The following AMT variants were observed in gnomAD, a reference collection of about 807,000 sequenced individuals.
AMT encodes aminomethyltransferase.
In AMT, 24 loss-of-function variants were observed where a neutral mutation model predicts 39.5. The ratio of observed to expected loss-of-function variants is 0.61; its 90% CI spans 0.44 to 0.86. AMT has a LOEUF of 0.86. Among genes scored for constraint, AMT ranks in the 40% least tolerant of loss-of-function variants. The pLI is 0.00. For synonymous variants in AMT, 210 were observed against 212.1 expected, an observed-to-expected ratio of 0.99 and a Z score of 0.09; for missense variants, 501 against 537.0, an observed-to-expected ratio of 0.93 and a Z score of 0.66.
chr3:49,418,996 C>T lies in AMT; in HGVS notation c.852G>A (p.Val284=), dbSNP rs749481166. ...CCAGTGTCCAACTGAGGCTGCCCTC[C>T]ACAGGTGTAGTGTGTTCATCAATGT... is the stretch of plus-strand genomic sequence containing the variant. The part of the protein sequence containing the change: ...GNDIDEHTTP[V]EGSLSWTLGK... Residue 284 remains valine (V), a synonymous_variant, in exon 7 of 9, where the codon GTG becomes GTA. Transcript: ENST00000273588. 1.9e-6 allele frequency: 3 copies of T among 1,613,896 alleles called. No individual in the cohort carries two copies. The African/African-American group carries it at 4.0e-5, about 22-fold the overall frequency.
Position 49,419,123 on chromosome 3 carries a change from T to A in AMT, c.725A>T (p.His242Leu). The A allele has an allele frequency of 1.2e-6, 2 of 1,613,884 alleles. No homozygotes were observed. Among genetic ancestry groups the A allele is most frequent in the Non-Finnish European group, 1.7e-6 (2 of 1,179,966 alleles). The change falls in exon 7 of 9, where the codon CAC becomes CTC. Residue 242 changes from histidine (H) to leucine (L), a missense_variant. Physicochemically the swap from His to Leu is moderately conservative, Grantham distance 99 (BLOSUM62 -3). Coordinates refer to ENST00000273588, the MANE Select transcript of AMT (RefSeq NM_000481.4). ...GTTTTTCAGAATAGCTGTTGCCAGG[T>A]GAACTGCCCCCGCTACCGGCACCGA... ...EISVPVAGAVHLATAILKNPE... is the reference protein window; with the variant it reads ...EISVPVAGAVLLATAILKNPE...
chr3:49,422,290 A>C lies in AMT; in HGVS notation c.91-19T>G. On this transcript the variant is annotated intron_variant, in intron 1 of 8. Transcript: ENST00000273588. ...GCACCTCCTGTGGGCGGCTGGGCTT[A>C]GTGCCACCAGGGCCCTAGCCCCCAG... The C allele has an allele frequency of 6.2e-7, 1 of 1,613,766 alleles. No homozygotes were observed. The highest frequency in any genetic ancestry group is 1.1e-5 in the South Asian group (1 of 91,080).
Position 49,417,974 on chromosome 3 carries a change from C to T in AMT, c.878-1G>A, listed in dbSNP as rs181134220. ...TCCATAGCAGCTCGGCGGCGCTTCC[C>T]TGGAGAATGACACATGAGACATAAG... On this transcript the variant is annotated splice_acceptor_variant, in intron 7 of 8. Transcript: ENST00000273588. LOFTEE classifies it high-confidence loss of function. 14 of 1,607,240 alleles carry T rather than the reference C, an allele frequency of 8.7e-6. No homozygotes were observed. The highest frequency in any genetic ancestry group is 1.7e-4 in the Middle Eastern group (1 of 5,778).
chr3:49,418,176 G>T, intron 7 of AMT: 1 of 617,250 alleles, frequency 1.6e-6, no homozygotes, highest in Non-Finnish European at 2.8e-6. Flanking sequence ...CCTGCCGAGC[G>T]TCTTCAGTTT....
chr3:49,419,231 T>A (rs754332895), intron 6 of AMT, 29 bp downstream of exon 6: 1 of 1,613,852 alleles, frequency 6.2e-7, no homozygotes, highest in Non-Finnish European at 8.5e-7. Context: ...CTGTGCCCTG[T>A]ACTGCCCCCA....
chr3:49,419,870 G>C (rs1300489173), intron 4 of AMT, 82 bp from the exon 5 acceptor site: 1 of 1,319,714 alleles, frequency 7.6e-7, no homozygotes, highest in African/African-American at 1.4e-5. Flanking sequence ...CTGGACAGTA[G>C]TAGGACAGTG....
chr3:49,418,919 A>G (rs768830457), intron 7 of AMT, 52 bp downstream of exon 7: 1 of 1,594,178 alleles, frequency 6.3e-7, no homozygotes, highest in Admixed American at 1.7e-5. Context: ...TAGTCTTATC[A>G]AGGGTCACCC....
Position 49,417,027 on chromosome 3 carries a change from G to T in AMT, c.*513C>A. 1 of 551,494 alleles carries T rather than the reference G, an allele frequency of 1.8e-6. No homozygotes were observed. Among genetic ancestry groups the T allele is most frequent in the Non-Finnish European group, 3.4e-6 (1 of 290,528 alleles). The allele number at this position is 551,494 out of a possible 1,614,324, so 34.2% of individuals were successfully genotyped here. A position where few individuals can be genotyped will look rare whatever the true frequency, so the allele number is the denominator to read the frequency against. On this transcript the variant is annotated 3_prime_UTR_variant, in exon 9 of 9. Coordinates refer to ENST00000273588, the MANE Select transcript of AMT (RefSeq NM_000481.4). ...CAGCCATCCCCAAGTTTACACACAG[G>T]CATAGCAGCCCTACTGTGAGTCAGC...
At position 49,422,156 on chromosome 3, in the gene AMT, T is replaced by A. The variant is rs893348866; in HGVS notation, c.206A>T (p.His69Leu). 7.4e-6 allele frequency: 12 copies of A among 1,613,684 alleles called. No homozygotes were observed. The highest frequency in any genetic ancestry group is 9.3e-6 in the Non-Finnish European group (11 of 1,180,044). The change falls in exon 2 of 9, where the codon CAC becomes CTC. Residue 69 changes from histidine to leucine, a missense_variant. Coordinates refer to ENST00000273588, the MANE Select transcript of AMT (RefSeq NM_000481.4). ...CGAGCAGTGCTGGCGTGTGTGCAGG[T>A]GCGAGTCAGTGTGACTGTCCCGGTA... ...VQYRDSHTDSHLHTRQHCSLF... is the reference protein window; with the variant it reads ...VQYRDSHTDSLLHTRQHCSLF...
At position 49,419,301 on chromosome 3, in the gene AMT, G is replaced by A. The variant is rs150079386; in HGVS notation, c.655C>T (p.Arg219Cys). 4.2e-5 allele frequency: 67 copies of A among 1,614,008 alleles called. No homozygotes were observed. Among genetic ancestry groups the A allele is most frequent in the African/African-American group, 6.7e-5 (5 of 74,906 alleles). The change falls in exon 6 of 9, where the codon CGC becomes TGC. Residue 219 changes from arginine (R) to cysteine (C), a missense_variant. By Grantham distance (180) the Arg-to-Cys change is radical. Coordinates refer to ENST00000273588, the MANE Select transcript of AMT (RefSeq NM_000481.4). Reference protein sequence around the residue: ...VMEVFGVSGCRVTRCGYTGED... With the variant: ...VMEVFGVSGCCVTRCGYTGED... ...CCTGTGTAGCCACAGCGGGTCACGCGGCAGCCAGACACGCCAAACACCTCC... is the reference window on the plus strand; with the variant it reads ...CCTGTGTAGCCACAGCGGGTCACGCAGCAGCCAGACACGCCAAACACCTCC...
chr3:49,422,454 C>T lies in AMT; in HGVS notation c.-4G>A, dbSNP rs1559530945. The stretch of plus-strand genomic sequence containing the variant: ...CCACACTTACAGCCCTCTGCATCGT[C>T]GCCTGCAACGAGTGCAGACGGCGCA... On this transcript the variant is annotated 5_prime_UTR_variant, in exon 1 of 9. Transcript: ENST00000273588. 1.9e-6 allele frequency: 3 copies of T among 1,612,652 alleles called. No individual in the cohort carries two copies. The highest frequency in any genetic ancestry group is 4.5e-5 in the East Asian group (2 of 44,880).
At chr3:49,421,836 C>G in intron 2 of AMT, 1 of 685,958 alleles carries the variant, frequency 1.5e-6, no homozygotes. Flanking sequence ...ACATCCAGCC[C>G]AATACATGAG....
rs759349289 is a variant in AMT at position 49,417,967 on chromosome 3, C to A, written c.884G>T (p.Arg295Leu). The change falls in exon 8 of 9, where the codon CGC becomes CTC. Residue 295 changes from arginine (R) to leucine (L), a missense_variant. Coordinates refer to ENST00000273588, the MANE Select transcript of AMT (RefSeq NM_000481.4). The stretch of plus-strand genomic sequence containing the variant: ...AGGGAAGTCCATAGCAGCTCGGCGG[C>A]GCTTCCCTGGAGAATGACACATGAG... Reference protein sequence around the residue: ...EGSLSWTLGKRRRAAMDFPGA... With the variant: ...EGSLSWTLGKLRRAAMDFPGA... 1.2e-6 allele frequency: 2 copies of A among 1,610,004 alleles called. No individual in the cohort carries two copies. Among genetic ancestry groups the A allele is most frequent in the Non-Finnish European group, 1.7e-6 (2 of 1,178,486 alleles).
Position 49,417,929 on chromosome 3 carries a change from T to C in AMT, c.922A>G (p.Ile308Val). Residue 308 changes from isoleucine (I) to valine (V), a missense_variant, in exon 8 of 9, where the codon ATT becomes GTT. By Grantham distance (29) the Ile-to-Val change is conservative. Transcript: ENST00000273588. Reference sequence around the variant, plus strand: ...ACCCTGCCCTTCAGCTGGGGAACAATGACCTTGGCTCCAGGGAAGTCCATA... The same window carrying C: ...ACCCTGCCCTTCAGCTGGGGAACAACGACCTTGGCTCCAGGGAAGTCCATA... ...AAMDFPGAKV[I>V]VPQLKGRVQR... The C allele has an allele frequency of 6.2e-7, 1 of 1,613,902 alleles. No homozygotes were observed. The highest frequency in any genetic ancestry group is 8.5e-7 in the Non-Finnish European group (1 of 1,179,968).
intron 3 of AMT, 111 bp from the exon 4 acceptor site, chr3:49,420,453 G>T: frequency 6.6e-7 from 1 of 1,513,346 alleles, no homozygotes; most frequent in Non-Finnish European, 9.1e-7. Flanking sequence ...GAACCCTAAT[G>T]TGAAGGACTC....
At chr3:49,421,968 G>A (rs1467652209) in intron 2 of AMT, 136 bp downstream of exon 2, 2 of 1,261,266 alleles carry the variant, frequency 1.6e-6, no homozygotes, top group East Asian at 4.7e-5. Flanking sequence ...ACCTATCCAT[G>A]ACACCCCCAT....
At position 49,419,056 on chromosome 3, in the gene AMT, C is replaced by T. The variant is rs897004298; in HGVS notation, c.792G>A (p.Leu264=). The T allele has an allele frequency of 6.2e-7, 1 of 1,614,098 alleles. No homozygotes were observed. The highest frequency in any genetic ancestry group is 8.5e-7 in the Non-Finnish European group (1 of 1,180,020). ...KLAGLAARDS[L]RLEAGLCLYG... is the part of the protein sequence containing the mutation. ...ACAGGCAGAGGCCTGCCTCCAGGCG[C>T]AGGCTGTCCCTGGCTGCCAGCCCTG... The change falls in exon 7 of 9, where the codon CTG becomes CTA. Residue 264 remains leucine, a synonymous_variant. Coordinates refer to ENST00000273588, the MANE Select transcript of AMT (RefSeq NM_000481.4).
At chr3:49,418,056 C>T (rs1284907228) in intron 7 of AMT, 83 bp from the exon 8 acceptor site, 4 of 1,496,856 alleles carry the variant, frequency 2.7e-6, no homozygotes, top group Non-Finnish European at 3.6e-6. Context: ...TCAAGTAACA[C>T]ACTATCTAGC....
rs770743082 is a variant in AMT at position 49,417,337 on chromosome 3, C to T, written c.*203G>A. 2 of 1,594,872 alleles carry T rather than the reference C, an allele frequency of 1.3e-6. No homozygotes were observed. Among genetic ancestry groups the T allele is most frequent in the South Asian group, 2.2e-5 (2 of 90,892 alleles). ...GAAACAAGACATTGTGTGAGCTGGT[C>T]CGTCACTCAGAAGCAGGGTCCTGAA... On this transcript the variant is annotated 3_prime_UTR_variant, in exon 9 of 9. Coordinates refer to ENST00000273588, the MANE Select transcript of AMT (RefSeq NM_000481.4).
Sources: allele counts gnomAD v4.1 joint callset, GRCh38; gene constraint gnomAD v4.1.1; transcripts MANE v1.5; gene names NCBI Gene and HGNC (gene_info 2026-07-23, HGNC 2026-07-21).